SLC39A12: variants seen among roughly 807,000 people sequenced by gnomAD.
SLC39A12 encodes solute carrier family 39 member 12.
In SLC39A12, 63 loss-of-function variants were observed where a neutral mutation model predicts 71.1. The observed-to-expected ratio is 0.89, with a 90% CI of 0.72 to 1.09. SLC39A12 has a LOEUF of 1.09. SLC39A12 is among the 50% of genes least tolerant of loss of function. SLC39A12 has a pLI of 0.00. For synonymous variants in SLC39A12, 351 were observed against 301.3 expected (o/e 1.16, Z -1.71); for missense variants, 892 against 812.6 (o/e 1.10, Z -1.19).
intron 10 of SLC39A12, among the ~76,000 whole-genome samples, chr10:17,997,896 A>T (rs1835730008): frequency 6.6e-6 from 1 of 152,238 alleles, no homozygotes; most frequent in South Asian, 2.1e-4. Flanking sequence ...AGAAACATGG[A>T]ACTCAATATG....
intron 12 of SLC39A12, among the ~76,000 whole-genome samples, chr10:18,042,129 T>C (rs1429666007): frequency 6.6e-6 from 1 of 152,068 alleles, no homozygotes; most frequent in East Asian, 1.9e-4. Flanking sequence ...TTTAAACATT[T>C]TCTGAAAAGT....
chr10:17,997,204 A>C (rs1240928201), intron 10 of SLC39A12, among the ~76,000 whole-genome samples: 1 of 152,198 alleles, frequency 6.6e-6, no homozygotes, highest in Non-Finnish European at 1.5e-5. Flanking sequence ...AGAATAAAAT[A>C]AGCATGATCT....
chr10:18,027,752 T>C (rs910510434), intron 12 of SLC39A12, among the ~76,000 whole-genome samples: 1 of 152,046 alleles, frequency 6.6e-6, no homozygotes, highest in Non-Finnish European at 1.5e-5. Flanking sequence ...CTAAAGAGAG[T>C]TGTTGGTTTT....
At chr10:18,038,838 C>A (rs1311824140) in intron 12 of SLC39A12, among the ~76,000 whole-genome samples, 1 of 152,100 alleles carries the variant, frequency 6.6e-6, no homozygotes, top group Admixed American at 6.5e-5. Context: ...TCTCCTCAGC[C>A]AAAGACCCTT....
chr10:18,038,018 C>CAAAAAAAAA lies in SLC39A12; in HGVS notation c.1948-4662_1948-4654dup. ...CTAGTGACAGAGTGAGCCTCCATCT[C>CAAAAAAAAA]AAAAAAAAAAAAAAAAAAAAAAAAA... is the stretch of plus-strand genomic sequence containing the variant. On this transcript the variant is annotated intron_variant, in intron 12 of 12. Coordinates refer to ENST00000377369, the MANE Select transcript of SLC39A12 (RefSeq NM_001145195.2). Among the ~76,000 whole-genome samples the CAAAAAAAAA allele has an allele frequency of 1.3e-3, 19 of 14,972 alleles. 7 individuals are homozygous for CAAAAAAAAA. Among genetic ancestry groups the CAAAAAAAAA allele is most frequent in the Non-Finnish European group, 1.8e-3 (15 of 8,300 alleles). The allele number at this position is 14,972 out of a possible 152,430, so 9.8% of individuals were successfully genotyped here. A position where few individuals can be genotyped will look rare whatever the true frequency, so the allele number is the denominator to read the frequency against.
At chr10:18,013,962 T>C (rs1035432587) in intron 12 of SLC39A12, among the ~76,000 whole-genome samples, 15 of 152,204 alleles carry the variant, frequency 9.9e-5, no homozygotes, top group African/African-American at 3.6e-4. Context: ...CTTTGAGATT[T>C]CATATGAATT....
chr10:18,023,957 G>A (rs1317754006), intron 12 of SLC39A12, among the ~76,000 whole-genome samples: 2 of 152,198 alleles, frequency 1.3e-5, no homozygotes, highest in African/African-American at 4.8e-5. Context: ...TATGCTGGAG[G>A]CCTGCAAGTC....
intron 12 of SLC39A12, among the ~76,000 whole-genome samples, chr10:18,031,423 T>A (rs1365982239): frequency 4.4e-5 from 6 of 136,906 alleles, no homozygotes; most frequent in Non-Finnish European, 9.6e-5. Flanking sequence ...TTTTCATGTG[T>A]TTTTTGGCTG....
chr10:18,029,953 G>C (rs1836790009), intron 12 of SLC39A12, among the ~76,000 whole-genome samples: 1 of 151,636 alleles, frequency 6.6e-6, no homozygotes, highest in African/African-American at 2.4e-5. Flanking sequence ...GATAGGGTTT[G>C]AGTTTTGGCA....
At chr10:18,011,800 C>CA (rs1286144277) in intron 12 of SLC39A12, among the ~76,000 whole-genome samples, 4 of 152,064 alleles carry the variant, frequency 2.6e-5, no homozygotes, top group African/African-American at 9.7e-5. Context: ...TCACAGTTTT[C>CA]AAAAAAATGT....
chr10:18,018,146 G>A (rs1164519207), intron 12 of SLC39A12, among the ~76,000 whole-genome samples: 3 of 152,156 alleles, frequency 2.0e-5, no homozygotes, highest in Non-Finnish European at 4.4e-5. Context: ...AAGTGCAAAT[G>A]TAAATGGTAA....
chr10:17,975,200 T>A (rs1404944579), intron 4 of SLC39A12, among the ~76,000 whole-genome samples: 1 of 151,928 alleles, frequency 6.6e-6, no homozygotes, highest in Non-Finnish European at 1.5e-5. Flanking sequence ...AGAAATCCCA[T>A]CCAAGGGCCA....
At chr10:17,965,213 A>C (rs1834793255) in intron 3 of SLC39A12, among the ~76,000 whole-genome samples, 1 of 152,142 alleles carries the variant, frequency 6.6e-6, no homozygotes, top group Non-Finnish European at 1.5e-5. Flanking sequence ...GTCTAAAAAA[A>C]AGAAAAAAAA....
intron 12 of SLC39A12, among the ~76,000 whole-genome samples, chr10:18,012,650 C>T (rs993982778): frequency 1.3e-5 from 2 of 152,044 alleles, no homozygotes; most frequent in African/African-American, 2.4e-5. Context: ...AGGCGGATCA[C>T]GAGGTCAAGA....
intron 9 of SLC39A12, 67 bp from the exon 10 acceptor site, chr10:17,995,589 G>A (rs1835662384): frequency 7.0e-7 from 1 of 1,434,802 alleles, no homozygotes; most frequent in African/African-American, 1.4e-5. Context: ...CTCTCCAGAT[G>A]TTTCATTTTT....
chr10:17,952,734 G>A (rs961296024), intron 1 of SLC39A12, among the ~76,000 whole-genome samples: 40 of 152,198 alleles, frequency 2.6e-4, no homozygotes, highest in African/African-American at 9.4e-4. Flanking sequence ...TGATCTGCCT[G>A]CTTCAGCCTC....
rs147570685 is a variant in SLC39A12, at chr10:18,037,789, C to T, written c.1948-4916C>T. ...CTGTAATCCCAGCACTTTGGGAGGC[C>T]AAGGTGGGCGGATCACCGTCAGGAG... is the stretch of plus-strand genomic sequence containing the variant. On this transcript the variant is annotated intron_variant, in intron 12 of 12. Coordinates refer to ENST00000377369, the MANE Select transcript of SLC39A12 (RefSeq NM_001145195.2). Among the ~76,000 whole-genome samples the T allele has an allele frequency of 9.8e-3, 1,489 of 151,866 alleles. 20 individuals are homozygous for T. The highest frequency in any genetic ancestry group is 0.014 in the Middle Eastern group (4 of 294).
chr10:18,023,466 T>C (rs1394348721), intron 12 of SLC39A12, among the ~76,000 whole-genome samples: 1 of 152,180 alleles, frequency 6.6e-6, no homozygotes, highest in Admixed American at 6.5e-5. Context: ...GGGAAGGTTC[T>C]GCTGCTACAG....
chr10:18,037,771 C>T (rs539786221), intron 12 of SLC39A12, among the ~76,000 whole-genome samples: 3 of 152,154 alleles, frequency 2.0e-5, no homozygotes, highest in African/African-American at 7.2e-5. Context: ...CACCTGTAAT[C>T]CCAGCACTTT....
Sources: allele counts gnomAD v4.1 joint callset (sites outside exome capture counted in the v4.1 genomes callset), GRCh38; gene constraint gnomAD v4.1.1; transcripts MANE v1.5; gene names NCBI Gene and HGNC (gene_info 2026-07-23, HGNC 2026-07-21).